Variants in FHOD3 observed in about 807,000 individuals in gnomAD.
FHOD3 encodes FH1/FH2 domain-containing protein 3.
Under a neutral mutation model 173.0 loss-of-function variants are expected in FHOD3, and 90 were observed. That is an observed-to-expected ratio of 0.52 (90% CI 0.44 to 0.62). FHOD3 has a LOEUF of 0.62. Ranked by LOEUF, FHOD3 falls within the 20% of genes least tolerant of loss-of-function variation. The pLI, the probability that FHOD3 is intolerant of heterozygous loss-of-function variation, is 0.00. For synonymous variants in FHOD3, 828 were observed against 823.0 expected, an observed-to-expected ratio of 1.01 and a Z score of -0.10; for missense variants, 1,945 against 2,034.7, an observed-to-expected ratio of 0.96 and a Z score of 0.85.
intron 16 of FHOD3, among the ~76,000 whole-genome samples, chr18:36,691,279 A>C (rs1287273668): frequency 6.6e-6 from 1 of 152,152 alleles, no homozygotes; most frequent in African/African-American, 2.4e-5. Flanking sequence ...CACCCACTCC[A>C]GACTCATTTG....
chr18:36,350,682 C>T (rs1349837302), intron 1 of FHOD3, among the ~76,000 whole-genome samples: 2 of 152,090 alleles, frequency 1.3e-5, no homozygotes, highest in Non-Finnish European at 2.9e-5. Flanking sequence ...ATTGAGATTC[C>T]CCGGTGGGGA....
chr18:36,391,596 A>G (rs1179002899), intron 3 of FHOD3, among the ~76,000 whole-genome samples: 2 of 152,180 alleles, frequency 1.3e-5, no homozygotes, highest in East Asian at 3.9e-4. Flanking sequence ...GTAACCAGAC[A>G]TGCCTGGCTG....
chr18:36,399,356 G>A (rs2048697904), intron 3 of FHOD3, among the ~76,000 whole-genome samples: 1 of 152,216 alleles, frequency 6.6e-6, no homozygotes, highest in African/African-American at 2.4e-5. Flanking sequence ...TTGCACCTAT[G>A]GGTCTGTGAG....
intron 27 of FHOD3, among the ~76,000 whole-genome samples, chr18:36,769,036 G>T (rs969998128): frequency 2.0e-5 from 3 of 152,160 alleles, no homozygotes; most frequent in Non-Finnish European, 4.4e-5. Flanking sequence ...AGTGCCCCGC[G>T]TATGGGTTTG....
At chr18:36,536,400 G>T (rs1040091514) in intron 5 of FHOD3, among the ~76,000 whole-genome samples, 8 of 152,212 alleles carry the variant, frequency 5.3e-5, no homozygotes, top group African/African-American at 1.9e-4. Flanking sequence ...AAGTCTTGGT[G>T]ACTTCCTGTC....
At chr18:36,466,755 T>C (rs1410435793) in intron 3 of FHOD3, among the ~76,000 whole-genome samples, 2 of 152,180 alleles carry the variant, frequency 1.3e-5, no homozygotes, top group African/African-American at 4.8e-5. Flanking sequence ...GTCTGTGTGC[T>C]GGCAGGTCCA....
rs938773565 is a variant in FHOD3, at chr18:36,760,832, C to A, written c.4624+50C>A. The A allele has an allele frequency of 5.2e-6, 8 of 1,532,854 alleles. No homozygotes were observed. The East Asian group carries it at 1.9e-4, about 37-fold the overall frequency. The allele number at this position is 1,532,854 out of a possible 1,614,324, so 95.0% of individuals were successfully genotyped here. On this transcript the variant is annotated intron_variant, in intron 27 of 28. Transcript: ENST00000590592. ...GTCTTGTCTTCTCAGGTTGGCCGCT[C>A]TGGGGGGGTCCGGTCTCCATCGCAG... is the stretch of plus-strand genomic sequence containing the variant.
chr18:36,752,845 A>G (rs1006176901), intron 24 of FHOD3, among the ~76,000 whole-genome samples: 2 of 152,216 alleles, frequency 1.3e-5, no homozygotes, highest in African/African-American at 4.8e-5. Flanking sequence ...AATGAGGTGA[A>G]GTGGTTAGCT....
At chr18:36,716,093 A>C (rs2040433220) in intron 18 of FHOD3, among the ~76,000 whole-genome samples, 1 of 152,244 alleles carries the variant, frequency 6.6e-6, no homozygotes, top group Non-Finnish European at 1.5e-5. Flanking sequence ...TCTCACAGTG[A>C]ACGTTGGTGC....
rs146924207 is a variant in FHOD3 at position 36,587,169 on chromosome 18, A to G, written c.607-7618A>G. Reference sequence around the variant, plus strand: ...CTGGAGATGGTGGGGGGAACTTCTCAAAGTAGAATGCCACTTTTCTTTTTG... The same window carrying G: ...CTGGAGATGGTGGGGGGAACTTCTCGAAGTAGAATGCCACTTTTCTTTTTG... On this transcript the variant is annotated intron_variant, in intron 6 of 28. Coordinates refer to ENST00000590592, the MANE Select transcript of FHOD3 (RefSeq NM_001281740.3). Among the ~76,000 whole-genome samples, 985 of 152,298 alleles carry G rather than the reference A, an allele frequency of 6.5e-3. 6 individuals are homozygous for G. Among genetic ancestry groups the G allele is most frequent in the Non-Finnish European group, 0.011 (765 of 68,020 alleles).
intron 24 of FHOD3, among the ~76,000 whole-genome samples, chr18:36,753,643 A>G (rs1347110229): frequency 6.6e-6 from 1 of 152,332 alleles, no homozygotes; most frequent in South Asian, 2.1e-4. Context: ...ATCATTTTCT[A>G]TGGCTGCTAA....
rs73421047 is a variant in FHOD3 at position 36,470,713 on chromosome 18, C to T, written c.338-31219C>T. On this transcript the variant is annotated intron_variant, in intron 3 of 28. Transcript: ENST00000590592. The stretch of plus-strand genomic sequence containing the variant: ...TAGTAGCCACTCTGCCTCTGGGGGG[C>T]AAAAAGCAGACAAATTTAGTTCAGG... Among the ~76,000 whole-genome samples, 374 of 152,276 alleles carry T rather than the reference C, an allele frequency of 2.5e-3. 2 individuals are homozygous for T. The highest frequency in any genetic ancestry group is 8.6e-3 in the African/African-American group (359 of 41,544).
intron 5 of FHOD3, among the ~76,000 whole-genome samples, chr18:36,526,834 T>G (rs1476222400): frequency 6.6e-6 from 1 of 152,232 alleles, no homozygotes; most frequent in African/African-American, 2.4e-5. Context: ...CAAAAGTATC[T>G]AGGCATTATC....
At chr18:36,458,446 C>G (rs534494356) in intron 3 of FHOD3, among the ~76,000 whole-genome samples, 4 of 152,068 alleles carry the variant, frequency 2.6e-5, no homozygotes, top group Admixed American at 2.6e-4. Context: ...CCTTCCTCAC[C>G]TCTACAAGTG....
At chr18:36,650,263 T>TA (rs2035961674) in intron 11 of FHOD3, among the ~76,000 whole-genome samples, 1 of 152,146 alleles carries the variant, frequency 6.6e-6, no homozygotes, top group Admixed American at 6.5e-5. Flanking sequence ...TGAATCCAAG[T>TA]AAAATCTTTG....
intron 3 of FHOD3, among the ~76,000 whole-genome samples, chr18:36,441,131 A>T (rs553135138): frequency 1.3e-5 from 2 of 152,190 alleles, no homozygotes; most frequent in Non-Finnish European, 2.9e-5. Context: ...TCTTTGCAAC[A>T]TTCTTCGCAG....
rs2303509 is a variant in FHOD3 at position 36,744,227 on chromosome 18, C to T, written c.4041+34C>T. On this transcript the variant is annotated intron_variant, in intron 23 of 28. Transcript: ENST00000590592. ...GTGGACGCTGAGGAGTGGGCCTGGTCTCGCTGCAGCCACGGGATCTTTATC... is the reference window on the plus strand; with the variant it reads ...GTGGACGCTGAGGAGTGGGCCTGGTTTCGCTGCAGCCACGGGATCTTTATC... 503,323 of 1,585,012 alleles carry T rather than the reference C, an allele frequency of 0.32. 81,983 individuals are homozygous for T. Among genetic ancestry groups the T allele is most frequent in the South Asian group, 0.44 (38,822 of 88,248 alleles).
intron 2 of FHOD3, among the ~76,000 whole-genome samples, chr18:36,357,785 G>A (rs1403042877): frequency 6.6e-6 from 1 of 152,152 alleles, no homozygotes; most frequent in Admixed American, 6.5e-5. Flanking sequence ...CAGACCCCGG[G>A]AATGTTATGA....
intron 1 of FHOD3, among the ~76,000 whole-genome samples, chr18:36,310,649 T>C (rs1267050740): frequency 1.4e-5 from 2 of 142,870 alleles, no homozygotes; most frequent in Non-Finnish European, 3.0e-5. Context: ...ATCGTGCCAC[T>C]GCACTCCAGC....
Sources: allele counts gnomAD v4.1 joint callset (sites outside exome capture counted in the v4.1 genomes callset), GRCh38; gene constraint gnomAD v4.1.1; transcripts MANE v1.5; gene names NCBI Gene and HGNC (gene_info 2026-07-23, HGNC 2026-07-21).